Variants in BMERB1 observed in about 807,000 individuals in gnomAD.
The protein encoded by BMERB1 is bMERB domain-containing protein 1.
Under a neutral mutation model 23.6 loss-of-function variants are expected in BMERB1, and 12 were observed. The observed-to-expected ratio is 0.51, with a 90% CI of 0.33 to 0.82. The LOEUF (loss-of-function observed/expected upper bound fraction) is 0.82. Among genes scored for constraint, BMERB1 ranks in the 40% least tolerant of loss-of-function variants. The pLI, the probability that BMERB1 is intolerant of heterozygous loss-of-function variation, is 0.03. For synonymous variants in BMERB1, 122 were observed against 96.6 expected (o/e 1.26, Z -1.54); for missense variants, 247 against 255.4 (o/e 0.97, Z 0.22).
At chr16:15,530,092 C>T (rs1403973468) in intron 2 of BMERB1, among the ~76,000 whole-genome samples, 4 of 152,172 alleles carry the variant, frequency 2.6e-5, no homozygotes, top group Non-Finnish European at 4.4e-5. Flanking sequence ...TCTCCGAAGC[C>T]AGCAGCATGG....
At chr16:15,475,906 C>T (rs1245034569) in intron 1 of BMERB1, among the ~76,000 whole-genome samples, 1 of 152,134 alleles carries the variant, frequency 6.6e-6, no homozygotes, top group Admixed American at 6.5e-5. Flanking sequence ...TTTATTGGGG[C>T]TCAGTCATGT....
At chr16:15,480,914 G>C (rs1337187296) in intron 1 of BMERB1, among the ~76,000 whole-genome samples, 1 of 151,936 alleles carries the variant, frequency 6.6e-6, no homozygotes, top group Non-Finnish European at 1.5e-5. Flanking sequence ...GCCCGGCCAG[G>C]AATTACACTT....
At chr16:15,505,616 G>A (rs1226035165) in intron 1 of BMERB1, among the ~76,000 whole-genome samples, 1 of 152,166 alleles carries the variant, frequency 6.6e-6, no homozygotes, top group Admixed American at 6.6e-5. Flanking sequence ...TCGGCCAAGC[G>A]CAGTGGCTCA....
At chr16:15,479,032 A>G (rs2051297060) in intron 1 of BMERB1, among the ~76,000 whole-genome samples, 1 of 152,212 alleles carries the variant, frequency 6.6e-6, no homozygotes, top group Non-Finnish European at 1.5e-5. Context: ...TGAAAGAAAT[A>G]CTGAGAAACT....
At chr16:15,569,208 T>C (rs1411703053) in intron 3 of BMERB1, among the ~76,000 whole-genome samples, 1 of 151,744 alleles carries the variant, frequency 6.6e-6, no homozygotes, top group Non-Finnish European at 1.5e-5. Flanking sequence ...AGAGCGAGAC[T>C]CCGACTCAAA....
At chr16:15,565,933 C>T (rs1157877311) in intron 2 of BMERB1, among the ~76,000 whole-genome samples, 1 of 152,192 alleles carries the variant, frequency 6.6e-6, no homozygotes, top group African/African-American at 2.4e-5. Context: ...GAAGATACAT[C>T]TCAACAGCTA....
chr16:15,564,950 A>C (rs1364107268), intron 2 of BMERB1, among the ~76,000 whole-genome samples: 1 of 152,214 alleles, frequency 6.6e-6, no homozygotes, highest in Non-Finnish European at 1.5e-5. Context: ...AGCCAGGAAG[A>C]ACAACTTTGT....
chr16:15,583,103 G>A (rs2031056216), intron 4 of BMERB1, 53 bp from the exon 5 acceptor site: 4 of 1,366,402 alleles, frequency 2.9e-6, no homozygotes, highest in Admixed American at 1.7e-5. Flanking sequence ...GTTCCTTGAT[G>A]CTTTCCTTGC....
intron 1 of BMERB1, among the ~76,000 whole-genome samples, chr16:15,450,320 C>T (rs1399677229): frequency 6.6e-6 from 1 of 151,678 alleles, no homozygotes; most frequent in Non-Finnish European, 1.5e-5. Context: ...ATGTAGAGGT[C>T]ATCTCAAAAA....
chr16:15,445,132 A>G (rs371292321), intron 1 of BMERB1, among the ~76,000 whole-genome samples: 5 of 152,120 alleles, frequency 3.3e-5, no homozygotes, highest in South Asian at 2.1e-4. Flanking sequence ...GCCTCAAGCA[A>G]TCCTCCTGTC....
At chr16:15,511,385 A>C (rs2051663036) in intron 1 of BMERB1, among the ~76,000 whole-genome samples, 1 of 152,012 alleles carries the variant, frequency 6.6e-6, no homozygotes, top group African/African-American at 2.4e-5. Flanking sequence ...CGCCATCTTT[A>C]GAAGGCAAGG....
intron 1 of BMERB1, among the ~76,000 whole-genome samples, chr16:15,442,002 G>A (rs1298541468): frequency 6.6e-6 from 1 of 152,136 alleles, no homozygotes; most frequent in Non-Finnish European, 1.5e-5. Context: ...GGCCCCATGG[G>A]TTGTCCTCTG....
At chr16:15,475,325 C>T (rs2051265777) in intron 1 of BMERB1, among the ~76,000 whole-genome samples, 1 of 152,128 alleles carries the variant, frequency 6.6e-6, no homozygotes, top group South Asian at 2.1e-4. Context: ...AGTCAGAGGA[C>T]AGTCCAAAAG....
chr16:15,513,397 C>T (rs2051698741), intron 1 of BMERB1, among the ~76,000 whole-genome samples: 1 of 152,042 alleles, frequency 6.6e-6, no homozygotes, highest in Admixed American at 6.6e-5. Flanking sequence ...GAAGACCATC[C>T]AAGGACAGGC....
At chr16:15,527,740 A>G (rs1442201423) in intron 2 of BMERB1, among the ~76,000 whole-genome samples, 2 of 152,142 alleles carry the variant, frequency 1.3e-5, no homozygotes, top group Non-Finnish European at 2.9e-5. Context: ...AAATGTCTCA[A>G]AGATACCTGT....
chr16:15,495,685 T>C (rs2051466295), intron 1 of BMERB1, among the ~76,000 whole-genome samples: 1 of 152,192 alleles, frequency 6.6e-6, no homozygotes, highest in Admixed American at 6.5e-5. Context: ...TATCTTAATA[T>C]CACTCTTCTC....
intron 1 of BMERB1, among the ~76,000 whole-genome samples, chr16:15,458,319 T>C (rs543896997): frequency 7.2e-5 from 11 of 152,338 alleles, no homozygotes; most frequent in African/African-American, 2.4e-4. Context: ...TGTTCATCTT[T>C]GAATTTATAG....
intron 1 of BMERB1, among the ~76,000 whole-genome samples, chr16:15,455,276 A>G (rs1241492540): frequency 6.7e-6 from 1 of 149,364 alleles, no homozygotes; most frequent in Non-Finnish European, 1.5e-5. Context: ...GTGAGCCGAG[A>G]TGGCGCAACT....
intron 1 of BMERB1, among the ~76,000 whole-genome samples, chr16:15,490,913 G>A (rs972010829): frequency 6.6e-6 from 1 of 152,174 alleles, no homozygotes; most frequent in African/African-American, 2.4e-5. Flanking sequence ...CATGATCTCA[G>A]CTCACTGTAA....
Sources: gnomAD v4.1 joint callset for allele counts (sites outside exome capture counted in the v4.1 genomes callset) on GRCh38, gnomAD v4.1.1 for gene constraint, MANE v1.5 for transcripts, NCBI Gene and HGNC (gene_info 2026-07-23, HGNC 2026-07-21) for gene names.